Variants in PSMD3 observed in about 807,000 individuals in gnomAD.
The protein encoded by PSMD3 is proteasome 26S subunit, non-ATPase 3.
A neutral mutation model predicts 62.8 loss-of-function variants in PSMD3; 5 were observed. The ratio of observed to expected loss-of-function variants is 0.08; its 90% CI spans 0.04 to 0.17. PSMD3 has a LOEUF of 0.17. PSMD3 is among the 10% of genes least tolerant of loss of function. The pLI, the probability that PSMD3 is intolerant of heterozygous loss-of-function variation, is 1.00. For synonymous variants in PSMD3, 265 were observed against 283.9 expected, an observed-to-expected ratio of 0.93 and a Z score of 0.67; for missense variants, 524 against 713.6, an observed-to-expected ratio of 0.73 and a Z score of 3.03.
intron 6 of PSMD3, among the ~76,000 whole-genome samples, chr17:39,992,132 T>C (rs1256303479): frequency 6.6e-6 from 1 of 152,138 alleles, no homozygotes; most frequent in East Asian, 1.9e-4. Flanking sequence ...AAATGTTAGA[T>C]TGCTTACAAT....
Position 39,995,058 on chromosome 17 carries a change from T to C in PSMD3, c.1086T>C (p.Leu362=), listed in dbSNP as rs1568139268. 1 of 1,614,098 alleles carries C rather than the reference T, an allele frequency of 6.2e-7. No homozygotes were observed. Among genetic ancestry groups the C allele is most frequent in the Non-Finnish European group, 8.5e-7 (1 of 1,180,012 alleles). ...AGCGCTCACTCATGCCCTATTTCCT[T>C]CTGACTCAAGGTAAGGCTGGCTTCC... ...SLKRSLMPYF[L]LTQAVRTGNL... The change falls in exon 7 of 12, where the codon CTT becomes CTC. Residue 362 remains leucine, a synonymous_variant. Coordinates refer to ENST00000264639, the MANE Select transcript of PSMD3 (RefSeq NM_002809.4). The surrounding 1 kb of genome is among the most constrained non-coding windows in gnomAD (Gnocchi z 4.1).
chr17:39,991,706 C>T (rs1329538593), intron 6 of PSMD3, among the ~76,000 whole-genome samples: 1 of 152,072 alleles, frequency 6.6e-6, no homozygotes, highest in Non-Finnish European at 1.5e-5. Context: ...CAGAGAAAGT[C>T]AGATTTGTTT....
intron 1 of PSMD3, among the ~76,000 whole-genome samples, chr17:39,983,074 C>T (rs1980425356): frequency 6.6e-6 from 1 of 151,846 alleles, no homozygotes; most frequent in Admixed American, 6.6e-5. Flanking sequence ...GCTCTGTTGC[C>T]CAGGCTGGAG....
At position 39,989,972 on chromosome 17, in the gene PSMD3, G is replaced by A. The variant is rs781120137; in HGVS notation, c.877+43G>A. 12 of 1,596,484 alleles carry A rather than the reference G, an allele frequency of 7.5e-6. No homozygotes were observed. The East Asian group carries it at 2.7e-4, about 36-fold the overall frequency. On this transcript the variant is annotated intron_variant, in intron 5 of 11. Transcript: ENST00000264639. Reference sequence around the variant, plus strand: ...ACCCATAAATCAGAAGGTGTCTCAGGCCTGCCTGGTGCAAATTTTCCAAGG... The same window carrying A: ...ACCCATAAATCAGAAGGTGTCTCAGACCTGCCTGGTGCAAATTTTCCAAGG...
intron 1 of PSMD3, among the ~76,000 whole-genome samples, chr17:39,981,735 C>G (rs370096414): frequency 5.9e-5 from 9 of 152,350 alleles, no homozygotes; most frequent in African/African-American, 1.9e-4. Context: ...CAACAGTCCC[C>G]TTGCTGTCTC....
In PSMD3 at chr17:39,996,756, G is replaced by A. The variant is rs1433503329; in HGVS notation, c.1476+418G>A. 1 of 467,888 alleles carries A rather than the reference G, an allele frequency of 2.1e-6. No individual in the cohort carries two copies. The highest frequency in any genetic ancestry group is 2.3e-5 in the Admixed American group (1 of 42,874). 29.0% of individuals were successfully genotyped at this position (467,888 alleles called of 1,614,324 possible). Reference sequence around the variant, plus strand: ...TGAGGCACTTAGCGAAGTCTAAATTGTAAAAAAGATGGCGCTGGTATCTAG... The same window carrying A: ...TGAGGCACTTAGCGAAGTCTAAATTATAAAAAAGATGGCGCTGGTATCTAG... On this transcript the variant is annotated intron_variant, in intron 10 of 11. Transcript: ENST00000264639. This position sits in a 1 kb window ranked among gnomAD's most constrained non-coding sequence, Gnocchi z 5.1.
chr17:39,989,691 A>C, intron 4 of PSMD3, 48 bp from the exon 5 acceptor site: 2 of 1,554,722 alleles, frequency 1.3e-6, no homozygotes, highest in Non-Finnish European at 1.8e-6. Flanking sequence ...AAGGCAGTTC[A>C]GAGAGTTGTG....
intron 1 of PSMD3, 125 bp downstream of exon 1, chr17:39,981,315 AC>A: frequency 7.0e-7 from 1 of 1,435,286 alleles, no homozygotes; most frequent in Non-Finnish European, 9.3e-7. Flanking sequence ...ACCCCCAGAT[AC>A]CTGCTCCCAC....
Position 39,997,566 on chromosome 17 carries a change from T to TGAC in PSMD3, c.1591_1593dup (p.Asp531dup). On this transcript the variant is annotated inframe_insertion, in exon 12 of 12. Transcript: ENST00000264639. ...CCAAGGAGATGGCAGAAGATGATGA[T>TGAC]GACAGCTTCCCTTGAGCTGGGGGGC... 6.2e-7 allele frequency: 1 copy of TGAC among 1,605,220 alleles called. No individual in the cohort carries two copies. The highest frequency in any genetic ancestry group is 8.5e-7 in the Non-Finnish European group (1 of 1,175,296).
At position 39,996,645 on chromosome 17, in the gene PSMD3, G is replaced by T. The variant is rs1020086076; in HGVS notation, c.1476+307G>T. On this transcript the variant is annotated intron_variant, in intron 10 of 11. Transcript: ENST00000264639. This position sits in a 1 kb window ranked among gnomAD's most constrained non-coding sequence, Gnocchi z 5.1. ...GAGGCATTTAACTTCTCAAAGCTCT[G>T]TTTCTCCATCTCTGAAGCTGATAGG... 2.9e-5 allele frequency: 16 copies of T among 550,486 alleles called. No homozygotes were observed. Among genetic ancestry groups the T allele is most frequent in the African/African-American group, 2.8e-4 (15 of 53,500 alleles). 34.1% of individuals were successfully genotyped at this position (550,486 alleles called of 1,614,324 possible).
At chr17:39,989,232 C>G (rs1463210444) in intron 4 of PSMD3, among the ~76,000 whole-genome samples, 1 of 152,228 alleles carries the variant, frequency 6.6e-6, no homozygotes, top group East Asian at 1.9e-4. Context: ...TTCACCTCCT[C>G]CTGCTCCTCA....
chr17:39,984,345 C>G lies in PSMD3; in HGVS notation c.272C>G (p.Pro91Arg), dbSNP rs779976440. 13 of 1,613,702 alleles carry G rather than the reference C, an allele frequency of 8.1e-6. No individual in the cohort carries two copies. The highest frequency in any genetic ancestry group is 1.1e-5 in the Non-Finnish European group (13 of 1,180,000). The change falls in exon 2 of 12, where the codon CCG (proline) becomes CGG (arginine). Residue 91 changes from proline to arginine, a missense_variant. Physicochemically the swap from Pro to Arg is moderately radical, Grantham distance 103 (BLOSUM62 -2). Transcript: ENST00000264639. Reference sequence around the variant, plus strand: ...GAGAAAGCGGTTTCAGGCAAGGAGCCGAGATTCGTGCTGCGGGCCCTGCGG... The same window carrying G: ...GAGAAAGCGGTTTCAGGCAAGGAGCGGAGATTCGTGCTGCGGGCCCTGCGG... ...QLEKAVSGKE[P>R]RFVLRALRML...
chr17:39,988,289 G>A (rs1980573557), intron 3 of PSMD3, among the ~76,000 whole-genome samples: 1 of 152,146 alleles, frequency 6.6e-6, no homozygotes, highest in South Asian at 2.1e-4. Context: ...CTCTATTGAG[G>A]ATTTACTTAC....
In PSMD3 at chr17:39,997,641, C is replaced by A; in HGVS notation, c.*60C>A. The A allele has an allele frequency of 6.4e-7, 1 of 1,554,348 alleles. No individual in the cohort carries two copies. The highest frequency in any genetic ancestry group is 2.3e-5 in the East Asian group (1 of 44,000). On this transcript the variant is annotated 3_prime_UTR_variant, in exon 12 of 12. Coordinates refer to ENST00000264639, the MANE Select transcript of PSMD3 (RefSeq NM_002809.4). ...ACAGGCTCTTTCCCCCTTGGGGGTC[C>A]CCTGCCCAGGGCACTGTCCCCATTT...
At chr17:39,990,763 C>G (rs75217765) in intron 6 of PSMD3, among the ~76,000 whole-genome samples, 4,053 of 152,194 alleles carry the variant, frequency 0.027, 198 homozygotes, top group African/African-American at 0.093. Context: ...TGATACAAAC[C>G]CCAGGTTTTT....
chr17:39,985,689 G>T (rs1980507390), intron 2 of PSMD3, among the ~76,000 whole-genome samples: 1 of 152,206 alleles, frequency 6.6e-6, no homozygotes, highest in Non-Finnish European at 1.5e-5. Context: ...AAAGCGTACT[G>T]TTCCCCCAAC....
In PSMD3 at chr17:39,995,073, G is replaced by A. The variant is rs1980749782; in HGVS notation, c.1096+5G>A. ...CCTATTTCCTTCTGACTCAAGGTAA[G>A]GCTGGCTTCCCCACCCCAGAGCCCA... is the stretch of plus-strand genomic sequence containing the variant. On this transcript the variant is annotated splice_donor_5th_base_variant and intron_variant, in intron 7 of 11. Transcript: ENST00000264639. The surrounding 1 kb of genome is among the most constrained non-coding windows in gnomAD (Gnocchi z 4.1). 2 of 1,614,090 alleles carry A rather than the reference G, an allele frequency of 1.2e-6. No homozygotes were observed. The highest frequency in any genetic ancestry group is 1.7e-6 in the Non-Finnish European group (2 of 1,180,020).
chr17:39,994,760 G>A, intron 6 of PSMD3, 194 bp from the exon 7 acceptor site: 1 of 597,408 alleles, frequency 1.7e-6, no homozygotes, highest in Non-Finnish European at 3.0e-6. Context: ...CACATTCCCA[G>A]CACCCGGCTC....
rs774765739 is a variant in PSMD3 at position 39,986,609 on chromosome 17, C to A, written c.446C>A (p.Pro149His). The change falls in exon 3 of 12, where the codon CCC becomes CAC. Residue 149 changes from proline (P) to histidine (H), a missense_variant. Pro to His is a moderately conservative substitution (Grantham distance 77). Around this residue, in one of 4 missense-constraint regions of PSMD3, gnomAD observed 396 missense variants for 475.8 expected, o/e 0.83. Transcript: ENST00000264639. ...MDTEADLQFR[P>H]RTGKAASTPL... ...ACAGAGGCTGATTTACAGTTCCGTCCCCGCACGGGAAAAGCTGCGTCGACA... is the reference window on the plus strand; with the variant it reads ...ACAGAGGCTGATTTACAGTTCCGTCACCGCACGGGAAAAGCTGCGTCGACA... 1 of 1,614,152 alleles carries A rather than the reference C, an allele frequency of 6.2e-7. No individual in the cohort carries two copies. Among genetic ancestry groups the A allele is most frequent in the Admixed American group, 1.7e-5 (1 of 60,026 alleles).
Sources: allele counts gnomAD v4.1 joint callset (sites outside exome capture counted in the v4.1 genomes callset), GRCh38; gene constraint gnomAD v4.1.1; regional missense constraint gnomAD v4.1.1; non-coding constraint Gnocchi (gnomAD v3.1); transcripts MANE v1.5; gene names NCBI Gene and HGNC (gene_info 2026-07-23, HGNC 2026-07-21).